LY6K: variants seen among roughly 807,000 people sequenced by gnomAD.
The protein encoded by LY6K is lymphocyte antigen 6 family member K, also known as lymphocyte antigen 6K.
In LY6K, 9 loss-of-function variants were observed where a neutral mutation model predicts 10.4. That is an observed-to-expected ratio of 0.87 (90% CI 0.52 to 1.52). The LOEUF is 1.52. LY6K is among the 40% of genes most tolerant of loss of function. The pLI is 0.00. For synonymous variants in LY6K, 98 were observed against 83.7 expected, an observed-to-expected ratio of 1.17 and a Z score of -0.94; for missense variants, 217 against 211.7, an observed-to-expected ratio of 1.02 and a Z score of -0.15.
Position 142,701,648 on chromosome 8 carries a change from C to T in LY6K, c.152C>T (p.Thr51Ile), listed in dbSNP as rs781938459. ...VWCHVCERENTFECQNPRRCK... is the reference protein window; with the variant it reads ...VWCHVCERENIFECQNPRRCK... ...TGTCATGTTTGTGAGAGAGAAAACA[C>T]TTTCGAGTGCCAGAACCCAAGGAGG... is the stretch of plus-strand genomic sequence containing the variant. The change falls in exon 2 of 3, where the codon ACT becomes ATT. Residue 51 changes from threonine to isoleucine, a missense_variant. Coordinates refer to ENST00000292430, the MANE Select transcript of LY6K (RefSeq NM_017527.4). The T allele has an allele frequency of 3.7e-6, 6 of 1,613,944 alleles. No homozygotes were observed. Among genetic ancestry groups the T allele is most frequent in the Admixed American group, 1.7e-5 (1 of 59,990 alleles).
At position 142,703,581 on chromosome 8, in the gene LY6K, AGTG is replaced by A; in HGVS notation, c.*211_*213del. 1 of 578,016 alleles carries A rather than the reference AGTG, an allele frequency of 1.7e-6. No individual in the cohort carries two copies. Among genetic ancestry groups the A allele is most frequent in the Non-Finnish European group, 3.0e-6 (1 of 335,682 alleles). The allele number at this position is 578,016 out of a possible 1,614,324, so 35.8% of individuals were successfully genotyped here. On this transcript the variant is annotated 3_prime_UTR_variant, in exon 3 of 3. Transcript: ENST00000292430. Reference sequence around the variant, plus strand: ...CAGAGGAAGTCCAGATCTCCTGAGTAGTGATTTTGGTGACAAGTTTTTCTCTTT... The same window carrying A: ...CAGAGGAAGTCCAGATCTCCTGAGTAATTTTGGTGACAAGTTTTTCTCTTT...
chr8:142,704,332 T>C lies in LY6K; in HGVS notation c.*961T>C, dbSNP rs1228167249. ...TGCCACTTCAGTCTTTGTGACGTTATTAACTGAAGAAAAGTGGGTGCCCTT... is the reference window on the plus strand; with the variant it reads ...TGCCACTTCAGTCTTTGTGACGTTACTAACTGAAGAAAAGTGGGTGCCCTT... On this transcript the variant is annotated 3_prime_UTR_variant, in exon 3 of 3. Coordinates refer to ENST00000292430, the MANE Select transcript of LY6K (RefSeq NM_017527.4). 1.3e-5 allele frequency: 2 copies of C among 152,214 alleles called. No individual in the cohort carries two copies. Among genetic ancestry groups the C allele is most frequent in the Non-Finnish European group, 2.9e-5 (2 of 68,034 alleles). 9.4% of individuals were successfully genotyped at this position (152,214 alleles called of 1,614,324 possible).
At position 142,703,343 on chromosome 8, in the gene LY6K, C is replaced by G; in HGVS notation, c.470C>G (p.Ser157Cys). Residue 157 changes from serine (S) to cysteine (C), a missense_variant, in exon 3 of 3, where the codon TCC (serine) becomes TGC (cysteine). Coordinates refer to ENST00000292430, the MANE Select transcript of LY6K (RefSeq NM_017527.4). ...LWLAILLLLASIAAGLSLS is the reference protein window; with the variant it reads ...LWLAILLLLACIAAGLSLS ...CTGGCCATCCTCCTGCTGCTGGCCT[C>G]CATTGCAGCCGGCCTCAGCCTGTCT... 6.2e-7 allele frequency: 1 copy of G among 1,611,954 alleles called. No homozygotes were observed. The highest frequency in any genetic ancestry group is 8.5e-7 in the Non-Finnish European group (1 of 1,179,550).
In LY6K at chr8:142,701,679, A is replaced by G; in HGVS notation, c.183A>G (p.Lys61=). The G allele has an allele frequency of 6.2e-7, 1 of 1,613,982 alleles. No homozygotes were observed. Among genetic ancestry groups the G allele is most frequent in the Non-Finnish European group, 8.5e-7 (1 of 1,179,892 alleles). The change falls in exon 2 of 3, where the codon AAA becomes AAG. Residue 61 remains lysine (K), a synonymous_variant. Coordinates refer to ENST00000292430, the MANE Select transcript of LY6K (RefSeq NM_017527.4). ...AGTGCCAGAACCCAAGGAGGTGCAA[A>G]TGGACAGAGCCATACTGCGTTATAG... ...TFECQNPRRC[K]WTEPYCVIAA... is the part of the protein sequence containing the mutation.
chr8:142,702,820 T>G (rs1554640355), intron 2 of LY6K: 1 of 1,504,586 alleles, frequency 6.6e-7, no homozygotes, highest in African/African-American at 1.4e-5. Flanking sequence ...TTTGAGAAGT[T>G]GAGACCTGTT....
At chr8:142,702,628 CTT>C in intron 2 of LY6K, 1 of 1,533,284 alleles carries the variant, frequency 6.5e-7, no homozygotes, top group Non-Finnish European at 8.7e-7. Context: ...GACTTTATAA[CTT>C]AATATGGCAA....
chr8:142,703,624 T>A lies in LY6K; in HGVS notation c.*253T>A. On this transcript the variant is annotated 3_prime_UTR_variant, in exon 3 of 3. Transcript: ENST00000292430. ...TTTTTCTCTTTGAAATCAAACCTTGTAACTCATTTATTGCTGATGGCCACT... is the reference window on the plus strand; with the variant it reads ...TTTTTCTCTTTGAAATCAAACCTTGAAACTCATTTATTGCTGATGGCCACT... 2.0e-6 allele frequency: 1 copy of A among 509,464 alleles called. No homozygotes were observed. The highest frequency in any genetic ancestry group is 3.5e-6 in the Non-Finnish European group (1 of 287,626). The allele number at this position is 509,464 out of a possible 1,614,324, so 31.6% of individuals were successfully genotyped here. A position where few individuals can be genotyped will look rare whatever the true frequency, so the allele number is the denominator to read the frequency against.
At chr8:142,701,501 G>T in intron 1 of LY6K, 99 bp from the exon 2 acceptor site, 1 of 758,894 alleles carries the variant, frequency 1.3e-6, no homozygotes, top group Admixed American at 2.1e-5. Context: ...GAGAAGGATG[G>T]GGACCCGCCG....
rs1554640384 is a variant in LY6K, at chr8:142,702,952, A to C, written c.218-139A>C. On this transcript the variant is annotated intron_variant, in intron 2 of 2. Coordinates refer to ENST00000292430, the MANE Select transcript of LY6K (RefSeq NM_017527.4). ...CACAGGCCTGGCCCTCGTCCTCCCG[A>C]CTCCCCCTTGGTGCCCCAGTTGACT... The C allele has an allele frequency of 1.9e-6, 3 of 1,550,892 alleles. No homozygotes were observed. The East Asian group carries it at 7.3e-5, about 38-fold the overall frequency.
At chr8:142,701,553 C>A in intron 1 of LY6K, 47 bp from the exon 2 acceptor site, 1 of 1,265,140 alleles carries the variant, frequency 7.9e-7, no homozygotes, top group Non-Finnish European at 1.2e-6. Flanking sequence ...ATCAGATAGG[C>A]ACGGAGAACT....
In LY6K at chr8:142,700,443, G is replaced by A. The variant is rs1554639899; in HGVS notation, c.-85G>A. Reference sequence around the variant, plus strand: ...GCTCCCCCTACCGGCCAGACCCGGGGAGAGGCGCGCGGAGGCTGCGAAGGT... The same window carrying A: ...GCTCCCCCTACCGGCCAGACCCGGGAAGAGGCGCGCGGAGGCTGCGAAGGT... On this transcript the variant is annotated 5_prime_UTR_variant, in exon 1 of 3. Coordinates refer to ENST00000292430, the MANE Select transcript of LY6K (RefSeq NM_017527.4). The A allele has an allele frequency of 2.7e-6, 4 of 1,468,488 alleles. No homozygotes were observed. Among genetic ancestry groups the A allele is most frequent in the Non-Finnish European group, 3.6e-6 (4 of 1,110,706 alleles). The allele number at this position is 1,468,488 out of a possible 1,614,324, so 91.0% of individuals were successfully genotyped here.
rs2129942969 is a variant in LY6K, at chr8:142,704,354, C to T, written c.*983C>T. 6.6e-6 allele frequency: 1 copy of T among 152,218 alleles called. No individual in the cohort carries two copies. The highest frequency in any genetic ancestry group is 2.1e-4 in the South Asian group (1 of 4,820). The allele number at this position is 152,218 out of a possible 1,614,324, so 9.4% of individuals were successfully genotyped here. On this transcript the variant is annotated 3_prime_UTR_variant, in exon 3 of 3. Coordinates refer to ENST00000292430, the MANE Select transcript of LY6K (RefSeq NM_017527.4). The stretch of plus-strand genomic sequence containing the variant: ...TTATTAACTGAAGAAAAGTGGGTGC[C>T]CTTTAAAGATTTTTTAAAATTATAA...
At chr8:142,701,805 A>C in intron 2 of LY6K, 92 bp downstream of exon 2, 1 of 764,260 alleles carries the variant, frequency 1.3e-6, no homozygotes, top group East Asian at 2.7e-5. Context: ...AATGGGGAAT[A>C]ACTAATAGAA....
chr8:142,703,314 G>T lies in LY6K; in HGVS notation c.441G>T (p.Leu147=). ...AGSMGESCGG[L]WLAILLLLAS... ...GCATGGGTGAGAGCTGTGGTGGGCT[G>T]TGGCTGGCCATCCTCCTGCTGCTGG... The change falls in exon 3 of 3, where the codon CTG becomes CTT. Residue 147 remains leucine (L), a synonymous_variant. Coordinates refer to ENST00000292430, the MANE Select transcript of LY6K (RefSeq NM_017527.4). The T allele has an allele frequency of 6.2e-7, 1 of 1,613,380 alleles. No individual in the cohort carries two copies.
rs373486597 is a variant in LY6K at position 142,701,589 on chromosome 8, C to T, written c.104-11C>T. On this transcript the variant is annotated splice_polypyrimidine_tract_variant and intron_variant, in intron 1 of 2. Transcript: ENST00000292430. The stretch of plus-strand genomic sequence containing the variant: ...GGAACATTCTGCTTTCTTTTTTATT[C>T]CTCCTTTCAGACGAGGGTGACAATA... The T allele has an allele frequency of 1.7e-4, 270 of 1,564,626 alleles. No homozygotes were observed. The African/African-American group carries it at 2.1e-3, about 12-fold the overall frequency.
chr8:142,703,192 C>T lies in LY6K; in HGVS notation c.319C>T (p.Pro107Ser), dbSNP rs377577209. ...GGAGAAGCGGTTTCTCCTGGAAGAG[C>T]CCATGCCCTTCTTTTACCTCAAGTG... ...PEEKRFLLEEPMPFFYLKCCK... is the reference protein window; with the variant it reads ...PEEKRFLLEESMPFFYLKCCK... The change falls in exon 3 of 3, where the codon CCC becomes TCC. Residue 107 changes from proline (P) to serine (S), a missense_variant. Pro to Ser is a moderately conservative substitution (Grantham distance 74, BLOSUM62 -1). Transcript: ENST00000292430. 6.2e-7 allele frequency: 1 copy of T among 1,614,058 alleles called. No homozygotes were observed. Among genetic ancestry groups the T allele is most frequent in the Non-Finnish European group, 8.5e-7 (1 of 1,180,038 alleles).
rs782530630 is a variant in LY6K, at chr8:142,701,912, C to T, written c.217+199C>T. Reference sequence around the variant, plus strand: ...TGCAACCTCGCCTTCCGGGTTCAAGCGATTCTCCTGCCTCAGCCTCCAGAG... The same window carrying T: ...TGCAACCTCGCCTTCCGGGTTCAAGTGATTCTCCTGCCTCAGCCTCCAGAG... On this transcript the variant is annotated intron_variant, in intron 2 of 2. Transcript: ENST00000292430. The T allele has an allele frequency of 2.4e-5, 12 of 504,290 alleles. No homozygotes were observed. The East Asian group carries it at 2.5e-4, about 11-fold the overall frequency. 31.2% of individuals were successfully genotyped at this position (504,290 alleles called of 1,614,324 possible).
At chr8:142,701,387 G>GA (rs1239430851) in intron 1 of LY6K, among the ~76,000 whole-genome samples, 1 of 152,180 alleles carries the variant, frequency 6.6e-6, no homozygotes, top group Non-Finnish European at 1.5e-5. Context: ...AATCATGGGG[G>GA]AAGGCGAAGG....
At position 142,703,338 on chromosome 8, in the gene LY6K, G is replaced by A. The variant is rs377347371; in HGVS notation, c.465G>A (p.Leu155=). 3.7e-6 allele frequency: 6 copies of A among 1,612,180 alleles called. No homozygotes were observed. In the African/African-American group the frequency reaches 8.0e-5, roughly 22 times the overall value. The change falls in exon 3 of 3, where the codon CTG becomes CTA. Residue 155 remains leucine, a synonymous_variant. Transcript: ENST00000292430. ...GGLWLAILLL[L]ASIAAGLSLS ...TGTGGCTGGCCATCCTCCTGCTGCT[G>A]GCCTCCATTGCAGCCGGCCTCAGCC...
Sources: gnomAD v4.1 joint callset for allele counts (sites outside exome capture counted in the v4.1 genomes callset) on GRCh38, gnomAD v4.1.1 for gene constraint, MANE v1.5 for transcripts, NCBI Gene and HGNC (gene_info 2026-07-23, HGNC 2026-07-21) for gene names.